DGKG: variants seen among roughly 807,000 people sequenced by gnomAD.
DGKG encodes the protein diacylglycerol kinase gamma.
DGKG carries 78 observed loss-of-function variants against 105.3 expected under a neutral mutation model. That is an observed-to-expected ratio of 0.74 (90% CI 0.62 to 0.89). The LOEUF (loss-of-function observed/expected upper bound fraction) is 0.89, where lower values mean the gene tolerates loss of function less well. Among genes scored for constraint, DGKG ranks in the 40% least tolerant of loss-of-function variants. DGKG has a pLI of 0.00. For missense variants in DGKG, 958 were observed against 1,020.1 expected, an observed-to-expected ratio of 0.94 and a Z score of 0.83; for synonymous variants, 346 against 367.1, an observed-to-expected ratio of 0.94 and a Z score of 0.66.
chr3:186,318,774 T>G (rs1020356081), intron 2 of DGKG, among the ~76,000 whole-genome samples: 2 of 152,190 alleles, frequency 1.3e-5, no homozygotes, highest in African/African-American at 2.4e-5. Flanking sequence ...ACTCCTTGAT[T>G]GTGGACTTCT....
At chr3:186,354,835 C>T (rs951401219) in intron 1 of DGKG, among the ~76,000 whole-genome samples, 1 of 152,096 alleles carries the variant, frequency 6.6e-6, no homozygotes, top group African/African-American at 2.4e-5. Flanking sequence ...AGTGGTGAGA[C>T]CCTGGCTCCT....
At chr3:186,325,453 C>A (rs1725293130) in intron 1 of DGKG, among the ~76,000 whole-genome samples, 1 of 151,440 alleles carries the variant, frequency 6.6e-6, no homozygotes, top group Non-Finnish European at 1.5e-5. Context: ...TAGTATTGTG[C>A]CACAGGTTTC....
chr3:186,229,645 G>A (rs940322461), intron 20 of DGKG, among the ~76,000 whole-genome samples: 2 of 152,122 alleles, frequency 1.3e-5, no homozygotes, highest in South Asian at 2.1e-4. Context: ...TGATATAGTT[G>A]GTATTAACTT....
At position 186,275,851 on chromosome 3, in the gene DGKG, A is replaced by G. The variant is rs564656372; in HGVS notation, c.793-187T>C. ...GTGTTTTAAAAATTAGCAAATATTA[A>G]AAGCAAGAAACATCTGAATGGAAGC... On this transcript the variant is annotated intron_variant, in intron 9 of 24. Coordinates refer to ENST00000265022, the MANE Select transcript of DGKG (RefSeq NM_001346.3). Among the ~76,000 whole-genome samples the G allele has an allele frequency of 9.2e-5, 14 of 152,366 alleles. No individual in the cohort carries two copies. In the East Asian group the frequency reaches 2.1e-3, roughly 23 times the overall value.
chr3:186,161,391 C>G, intron 24 of DGKG: 1 of 1,398,552 alleles, frequency 7.2e-7, no homozygotes, highest in Non-Finnish European at 9.3e-7. Flanking sequence ...ATTTTGTGAC[C>G]GGCGCTTCAC....
chr3:186,356,919 G>A (rs1229124469), intron 1 of DGKG, among the ~76,000 whole-genome samples: 1 of 152,152 alleles, frequency 6.6e-6, no homozygotes, highest in Admixed American at 6.5e-5. Context: ...CAGGGGAGGA[G>A]ATGGGGCCAG....
At position 186,263,482 on chromosome 3, in the gene DGKG, G is replaced by A. The variant is rs183748637; in HGVS notation, c.1270-1704C>T. 3.1e-3 allele frequency among the ~76,000 whole-genome samples: 478 copies of A among 152,068 alleles called. 3 individuals carry two copies. Among genetic ancestry groups the A allele is most frequent in the African/African-American group, 0.011 (459 of 41,458 alleles). On this transcript the variant is annotated intron_variant, in intron 14 of 24. Coordinates refer to ENST00000265022, the MANE Select transcript of DGKG (RefSeq NM_001346.3). ...CTTGGGAGGCTGAGGCAGGAGAATC[G>A]CTTGAACCCGGGAGGCAAAGGTTGC...
intron 20 of DGKG, among the ~76,000 whole-genome samples, chr3:186,212,582 G>C (rs1719086098): frequency 6.6e-6 from 1 of 152,066 alleles, no homozygotes; most frequent in African/African-American, 2.4e-5. Context: ...TCACTACTTT[G>C]AGCTTTAAAA....
At chr3:186,287,204 T>A (rs1010016446) in intron 6 of DGKG, among the ~76,000 whole-genome samples, 6 of 152,122 alleles carry the variant, frequency 3.9e-5, no homozygotes, top group African/African-American at 1.4e-4. Context: ...ATTGGAAAAA[T>A]GTGAATACTG....
At chr3:186,192,902 A>G (rs531059473) in intron 21 of DGKG, among the ~76,000 whole-genome samples, 64 of 152,338 alleles carry the variant, frequency 4.2e-4, no homozygotes, top group Non-Finnish European at 7.8e-4. Context: ...GTCCTTGACA[A>G]ATAGTATTCC....
intron 21 of DGKG, among the ~76,000 whole-genome samples, chr3:186,192,662 G>A (rs1717962864): frequency 6.6e-6 from 1 of 152,164 alleles, no homozygotes; most frequent in Non-Finnish European, 1.5e-5. Context: ...GAAGGCAGAT[G>A]CCAGATCCTA....
intron 20 of DGKG, among the ~76,000 whole-genome samples, chr3:186,227,677 C>A (rs948963477): frequency 1.3e-5 from 2 of 152,132 alleles, no homozygotes; most frequent in African/African-American, 2.4e-5. Flanking sequence ...TGCATTACAA[C>A]GTTTTTTAGT....
At chr3:186,335,296 CG>C (rs1725780232) in intron 1 of DGKG, among the ~76,000 whole-genome samples, 1 of 152,132 alleles carries the variant, frequency 6.6e-6, no homozygotes, top group Non-Finnish European at 1.5e-5. Context: ...AGGCTGGTCT[CG>C]AACTACTAAC....
chr3:186,215,630 G>A (rs1313791191), intron 20 of DGKG, among the ~76,000 whole-genome samples: 1 of 151,958 alleles, frequency 6.6e-6, no homozygotes, highest in Non-Finnish European at 1.5e-5. Flanking sequence ...ACTGGGAAGG[G>A]CCTGGACAAG....
chr3:186,311,883 G>T lies in DGKG; in HGVS notation c.68-4906C>A, dbSNP rs545751785. Among the ~76,000 whole-genome samples the T allele has an allele frequency of 6.2e-5, 8 of 129,358 alleles. No homozygotes were observed. In the East Asian group the frequency reaches 1.4e-3, roughly 22 times the overall value. The allele number at this position is 129,358 out of a possible 152,430, so 84.9% of individuals were successfully genotyped here. Reference sequence around the variant, plus strand: ...TGTAATCCCAGCACTTTGGGAGGCCGAGGCGGGTGGATCATGAGGTCAGGA... The same window carrying T: ...TGTAATCCCAGCACTTTGGGAGGCCTAGGCGGGTGGATCATGAGGTCAGGA... On this transcript the variant is annotated intron_variant, in intron 2 of 24. Coordinates refer to ENST00000265022, the MANE Select transcript of DGKG (RefSeq NM_001346.3).
intron 5 of DGKG, among the ~76,000 whole-genome samples, chr3:186,289,666 TTA>T (rs1048313501): frequency 6.6e-5 from 10 of 152,198 alleles, no homozygotes; most frequent in African/African-American, 1.9e-4. Context: ...AAATGATCTC[TTA>T]ATATCTACTA....
Position 186,203,670 on chromosome 3 carries a change from A to G in DGKG, c.1917+8125T>C, listed in dbSNP as rs1297583481. Reference sequence around the variant, plus strand: ...TGAGGAAGGGGAATAAACTAGAAGGAGGAGCTCTCTCAGGACCATTCTAGC... The same window carrying G: ...TGAGGAAGGGGAATAAACTAGAAGGGGGAGCTCTCTCAGGACCATTCTAGC... On this transcript the variant is annotated intron_variant, in intron 21 of 24. Coordinates refer to ENST00000265022, the MANE Select transcript of DGKG (RefSeq NM_001346.3). This position sits in a 1 kb window ranked among gnomAD's most constrained non-coding sequence, Gnocchi z 4.9. Among the ~76,000 whole-genome samples the G allele has an allele frequency of 1.3e-5, 2 of 152,164 alleles. No homozygotes were observed. The highest frequency in any genetic ancestry group is 2.9e-5 in the Non-Finnish European group (2 of 68,032).
chr3:186,314,765 A>AG (rs1230072608), intron 2 of DGKG, among the ~76,000 whole-genome samples: 30 of 151,918 alleles, frequency 2.0e-4, no homozygotes, highest in African/African-American at 7.3e-4. Context: ...AAAAAAAAAA[A>AG]AAAAAAAAAG....
intron 20 of DGKG, among the ~76,000 whole-genome samples, chr3:186,230,056 A>G (rs1244409283): frequency 6.6e-6 from 1 of 152,112 alleles, no homozygotes; most frequent in African/African-American, 2.4e-5. Flanking sequence ...TCAGGAGATC[A>G]AGACCATCCT....
Sources: gnomAD v4.1 joint callset for allele counts (sites outside exome capture counted in the v4.1 genomes callset) on GRCh38, gnomAD v4.1.1 for gene constraint, Gnocchi (gnomAD v3.1) non-coding constraint, MANE v1.5 for transcripts, NCBI Gene and HGNC (gene_info 2026-07-23, HGNC 2026-07-21) for gene names.